Variants in SUPT20H observed in about 807,000 individuals in gnomAD.
The protein encoded by SUPT20H is transcription factor SPT20 homolog.
In SUPT20H, 82 loss-of-function variants were observed where a neutral mutation model predicts 122.8. The ratio of observed to expected loss-of-function variants is 0.67; its 90% CI spans 0.56 to 0.80. SUPT20H has a LOEUF of 0.80. Ranked by LOEUF, SUPT20H falls within the 30% of genes least tolerant of loss-of-function variation. The pLI, the probability that SUPT20H is intolerant of heterozygous loss-of-function variation, is 0.00. For synonymous variants in SUPT20H, 291 were observed against 313.0 expected (o/e 0.93, Z 0.74); for missense variants, 831 against 921.6 (o/e 0.90, Z 1.27).
chr13:37,045,267 A>G lies in SUPT20H; in HGVS notation c.272T>C (p.Leu91Pro). Residue 91 changes from leucine to proline, a missense_variant, in exon 6 of 26, where the codon CTC becomes CCC. Physicochemically the swap from Leu to Pro is moderately conservative, Grantham distance 98 (BLOSUM62 -3). Coordinates refer to ENST00000350612, the MANE Select transcript of SUPT20H (RefSeq NM_001014286.3). Reference protein sequence around the residue: ...YPGNEGYSLMLRGKNGSDSET... With the variant: ...YPGNEGYSLMPRGKNGSDSET... ...CTTACCTGATCCGTTTTTTCCCCTG[A>G]GCATCAGAGAATATCCCTCATTTCC... The G allele has an allele frequency of 6.2e-7, 1 of 1,613,570 alleles. No homozygotes were observed. The highest frequency in any genetic ancestry group is 8.5e-7 in the Non-Finnish European group (1 of 1,179,710).
At chr13:37,053,420 G>A (rs182355133) in intron 1 of SUPT20H, among the ~76,000 whole-genome samples, 39 of 152,136 alleles carry the variant, frequency 2.6e-4, no homozygotes, top group Admixed American at 2.4e-3. Context: ...AACTAACACA[G>A]GAACAGAAAA....
intron 7 of SUPT20H, among the ~76,000 whole-genome samples, chr13:37,041,800 T>C (rs554439908): frequency 1.2e-4 from 18 of 152,298 alleles, no homozygotes; most frequent in South Asian, 2.1e-4. Context: ...TTGCTCTCAG[T>C]TGTGGGAAGA....
intron 7 of SUPT20H, among the ~76,000 whole-genome samples, chr13:37,041,085 T>A (rs1297172857): frequency 2.0e-5 from 3 of 152,232 alleles, no homozygotes; most frequent in Non-Finnish European, 4.4e-5. Flanking sequence ...TTATCATTGT[T>A]ATAAATTGCC....
chr13:37,033,426 C>T, intron 10 of SUPT20H, 23 bp downstream of exon 10: 1 of 1,602,692 alleles, frequency 6.2e-7, no homozygotes. Flanking sequence ...TCTTTTGGTT[C>T]ACCCTTCCAC....
intron 23 of SUPT20H, among the ~76,000 whole-genome samples, chr13:37,016,498 T>C (rs1478440696): frequency 1.3e-5 from 2 of 151,840 alleles, no homozygotes; most frequent in Admixed American, 1.3e-4. Context: ...TAAAAGAAAA[T>C]CAAAGATTTT....
chr13:37,021,925 GTTC>G, intron 20 of SUPT20H, 83 bp downstream of exon 20: 3 of 1,420,514 alleles, frequency 2.1e-6, no homozygotes, highest in Non-Finnish European at 1.9e-6. Context: ...TATGCGGTTT[GTTC>G]TTAATTTCAC....
chr13:37,021,226 C>CA (rs2061421001), intron 21 of SUPT20H, among the ~76,000 whole-genome samples: 2 of 152,192 alleles, frequency 1.3e-5, no homozygotes, highest in Non-Finnish European at 2.9e-5. Flanking sequence ...GAAAGATTTG[C>CA]ACAGACTCAC....
intron 23 of SUPT20H, among the ~76,000 whole-genome samples, chr13:37,016,035 T>C (rs2060416889): frequency 6.6e-6 from 1 of 152,186 alleles, no homozygotes; most frequent in Non-Finnish European, 1.5e-5. Flanking sequence ...TTACCAGATA[T>C]AGTTTCAGTT....
At chr13:37,016,116 T>C (rs993513655) in intron 23 of SUPT20H, among the ~76,000 whole-genome samples, 16 of 152,222 alleles carry the variant, frequency 1.1e-4, no homozygotes, top group African/African-American at 3.4e-4. Context: ...CACTGCTGAA[T>C]TGCACACTTA....
chr13:37,024,683 T>A (rs2061920133), intron 17 of SUPT20H: 1 of 265,286 alleles, frequency 3.8e-6, no homozygotes, highest in South Asian at 1.4e-4. Context: ...GGAAAAGATT[T>A]CTGAGTAATA....
intron 9 of SUPT20H, among the ~76,000 whole-genome samples, chr13:37,037,768 T>C (rs558879675): frequency 6.6e-6 from 1 of 152,240 alleles, no homozygotes; most frequent in Non-Finnish European, 1.5e-5. Flanking sequence ...GGCTCTTTAC[T>C]ATTATCACAT....
At chr13:37,021,789 A>G (rs937209979) in intron 20 of SUPT20H, among the ~76,000 whole-genome samples, 187 bp from the exon 21 acceptor site, 13 of 152,232 alleles carry the variant, frequency 8.5e-5, no homozygotes, top group Non-Finnish European at 2.9e-5. Context: ...TGAAGTATCA[A>G]AAAACAAAAA....
At chr13:37,048,962 C>A (rs959385094) in intron 2 of SUPT20H, among the ~76,000 whole-genome samples, 5 of 151,474 alleles carry the variant, frequency 3.3e-5, no homozygotes, top group African/African-American at 1.2e-4. Context: ...GAACCAAAGG[C>A]TAAACTCTCC....
At chr13:37,052,656 T>A (rs1300685806) in intron 1 of SUPT20H, among the ~76,000 whole-genome samples, 2 of 151,994 alleles carry the variant, frequency 1.3e-5, no homozygotes, top group African/African-American at 4.8e-5. Context: ...CAAAAGCAAT[T>A]GCAACAAAAG....
chr13:37,044,041 C>G (rs1478677050), intron 7 of SUPT20H, 37 bp downstream of exon 7: 1 of 1,378,318 alleles, frequency 7.3e-7, no homozygotes, highest in Non-Finnish European at 1.0e-6. Context: ...ATACATATAA[C>G]AAATATAAAG....
At chr13:37,026,347 T>G (rs951899183) in intron 15 of SUPT20H, 111 bp from the exon 16 acceptor site, 6 of 780,840 alleles carry the variant, frequency 7.7e-6, no homozygotes, top group Non-Finnish European at 1.1e-5. Context: ...TAATATAAAC[T>G]GGTATTAAAT....
intron 24 of SUPT20H, 147 bp downstream of exon 24, chr13:37,012,045 T>C: frequency 1.8e-6 from 1 of 552,996 alleles, no homozygotes; most frequent in Non-Finnish European, 3.2e-6. Flanking sequence ...CAGCCATCAA[T>C]CAATTTAATA....
intron 23 of SUPT20H, chr13:37,012,652 A>C (rs1158614938): frequency 6.2e-6 from 1 of 160,286 alleles, no homozygotes; most frequent in African/African-American, 2.4e-5. Flanking sequence ...CAAGAAAAGG[A>C]AATAAAAGGT....
intron 7 of SUPT20H, among the ~76,000 whole-genome samples, 170 bp downstream of exon 7, chr13:37,043,908 T>C (rs531977141): frequency 6.6e-6 from 1 of 151,956 alleles, no homozygotes; most frequent in African/African-American, 2.4e-5. Flanking sequence ...CCAGCCTGAT[T>C]TCATGTTCTA....
Sources: gnomAD v4.1 joint callset for allele counts (sites outside exome capture counted in the v4.1 genomes callset) on GRCh38, gnomAD v4.1.1 for gene constraint, MANE v1.5 for transcripts, NCBI Gene and HGNC (gene_info 2026-07-23, HGNC 2026-07-21) for gene names.